Variants in TET3 observed in about 807,000 individuals in gnomAD.
The protein encoded by TET3 is methylcytosine dioxygenase TET3.
In TET3, 19 loss-of-function variants were observed where a neutral mutation model predicts 141.4. That is an observed-to-expected ratio of 0.13 (90% CI 0.09 to 0.20). The LOEUF is 0.20. Ranked by LOEUF, TET3 falls within the 10% of genes least tolerant of loss-of-function variation. The pLI, the probability that TET3 is intolerant of heterozygous loss-of-function variation, is 1.00. For synonymous variants in TET3, 1,043 were observed against 980.9 expected, an observed-to-expected ratio of 1.06 and a Z score of -1.18; for missense variants, 1,874 against 2,356.9, an observed-to-expected ratio of 0.80 and a Z score of 4.24.
At chr2:74,023,068 G>A (rs562308827) in intron 3 of TET3, among the ~76,000 whole-genome samples, 1 of 152,176 alleles carries the variant, frequency 6.6e-6, no homozygotes, top group South Asian at 2.1e-4. Flanking sequence ...GAGCCACTGC[G>A]CACGGCCTTA....
chr2:74,110,130 A>T (rs1691667941), downstream of TET3, among the ~76,000 whole-genome samples: 1 of 152,196 alleles, frequency 6.6e-6, no homozygotes, highest in South Asian at 2.1e-4. Flanking sequence ...ATCACTAAGG[A>T]ATCCAAGACT....
At chr2:74,024,947 G>A (rs550590411) in intron 3 of TET3, among the ~76,000 whole-genome samples, 6 of 152,140 alleles carry the variant, frequency 3.9e-5, no homozygotes, top group South Asian at 2.1e-4. Context: ...GCCAGGCGCC[G>A]TGGTGGTGGC....
the TET3 span, among the ~76,000 whole-genome samples, chr2:74,116,907 G>A: frequency 6.6e-6 from 1 of 152,094 alleles, no homozygotes; most frequent in Admixed American, 6.6e-5. Flanking sequence ...ACTCCAGGGA[G>A]GGAGAAGGGG....
At chr2:74,010,380 G>A (rs544188471) in intron 3 of TET3, among the ~76,000 whole-genome samples, 2 of 152,326 alleles carry the variant, frequency 1.3e-5, no homozygotes, top group South Asian at 4.1e-4. Context: ...GGGTGCCAGA[G>A]CACTTCATCC....
chr2:74,109,999 A>C (rs1448242108), downstream of TET3, among the ~76,000 whole-genome samples: 1 of 152,216 alleles, frequency 6.6e-6, no homozygotes. Context: ...AAGACAGGCT[A>C]ATGATACCAC....
At chr2:74,020,473 C>T (rs1685977088) in intron 3 of TET3, among the ~76,000 whole-genome samples, 1 of 152,248 alleles carries the variant, frequency 6.6e-6, no homozygotes, top group African/African-American at 2.4e-5. Context: ...AGTGCCCAGG[C>T]TTGGTGTTTG....
rs375077406 is a variant in TET3 at position 74,010,757 on chromosome 2, C to T, written c.360+7591C>T. Among the ~76,000 whole-genome samples, 22 of 152,322 alleles carry T rather than the reference C, an allele frequency of 1.4e-4. 1 individual carries two copies. In the South Asian group the frequency reaches 4.1e-3, roughly 29 times the overall value. On this transcript the variant is annotated intron_variant, in intron 3 of 11. Transcript: ENST00000409262. Reference sequence around the variant, plus strand: ...GTTGCCCCAGAAATTTTTTCTCATTCACTGATAATTTTATTGATCAATACA... The same window carrying T: ...GTTGCCCCAGAAATTTTTTCTCATTTACTGATAATTTTATTGATCAATACA...
At chr2:73,993,513 G>A (rs932208502) in intron 2 of TET3, 1 of 152,306 alleles carries the variant, frequency 6.6e-6, no homozygotes, top group Admixed American at 6.5e-5. Context: ...GAGCCAGTGG[G>A]GTGGAGGGCG....
intron 3 of TET3, among the ~76,000 whole-genome samples, chr2:74,020,899 A>G (rs1251004209): frequency 6.6e-6 from 1 of 152,114 alleles, no homozygotes; most frequent in Admixed American, 6.5e-5. Flanking sequence ...CCGCAGCAGT[A>G]AGCTGTTCCT....
intron 4 of TET3, among the ~76,000 whole-genome samples, chr2:74,071,090 C>A (rs1175358417): frequency 6.6e-6 from 1 of 152,086 alleles, no homozygotes; most frequent in African/African-American, 2.4e-5. Flanking sequence ...CTGTCGAGGG[C>A]CCTCTCTTAG....
chr2:74,070,691 C>T (rs890770827), intron 4 of TET3, among the ~76,000 whole-genome samples: 10 of 152,104 alleles, frequency 6.6e-5, no homozygotes, highest in South Asian at 2.1e-4. Context: ...ACAAAAATAC[C>T]GGCCAGTCCC....
chr2:74,007,800 T>G (rs1386300005), intron 3 of TET3, among the ~76,000 whole-genome samples: 1 of 152,178 alleles, frequency 6.6e-6, no homozygotes, highest in African/African-American at 2.4e-5. Flanking sequence ...AAGGACCAGT[T>G]TTTTTGTTTG....
At chr2:74,041,129 G>A (rs2103626033) in intron 3 of TET3, among the ~76,000 whole-genome samples, 1 of 152,256 alleles carries the variant, frequency 6.6e-6, no homozygotes, top group East Asian at 1.9e-4. Context: ...TCCTCTGGTT[G>A]TTAGGGGGAC....
chr2:74,096,312 C>T (rs1690824494), intron 10 of TET3, among the ~76,000 whole-genome samples: 1 of 152,184 alleles, frequency 6.6e-6, no homozygotes, highest in South Asian at 2.1e-4. Flanking sequence ...AAGAAACAAG[C>T]TGGGTAGGGC....
At chr2:74,134,725 C>A in the TET3 span, 14 of 456,614 alleles carry the variant, frequency 3.1e-5, no homozygotes, top group East Asian at 9.7e-4. Context: ...AAAACAGGGA[C>A]AAGGAAGCCT....
rs1054862055 is a variant in TET3, at chr2:74,100,794, G to C, written c.4006G>C (p.Glu1336Gln). The C allele has an allele frequency of 6.8e-6, 11 of 1,612,676 alleles. No individual in the cohort carries two copies. The highest frequency in any genetic ancestry group is 4.0e-5 in the African/African-American group (3 of 74,880). ...NSLSPAYGGA[E>Q]FAELPSQAVP... ...CCTGAGCCCGGCCTACGGTGGTGCT[G>C]AGTTTGCCGAGCTGCCCAGCCAGGC... The change falls in exon 12 of 12, where the codon GAG becomes CAG. Residue 1336 changes from glutamate (E) to glutamine (Q), a missense_variant. By Grantham distance (29) the Glu-to-Gln change is conservative (BLOSUM62 2). This residue lies in a region of TET3 where 602 missense variants were observed against 590.2 expected (regional missense o/e 1.02). Coordinates refer to ENST00000409262, the MANE Select transcript of TET3 (RefSeq NM_001287491.2).
At chr2:74,049,505 C>T (rs961212718) in intron 4 of TET3, among the ~76,000 whole-genome samples, 3 of 152,076 alleles carry the variant, frequency 2.0e-5, no homozygotes, top group Non-Finnish European at 4.4e-5. Flanking sequence ...GTCCACTCGG[C>T]CCCCACACTC....
At chr2:74,058,292 G>A (rs1413653523) in intron 4 of TET3, among the ~76,000 whole-genome samples, 1 of 152,156 alleles carries the variant, frequency 6.6e-6, no homozygotes, top group Non-Finnish European at 1.5e-5. Flanking sequence ...AGGGACAGTA[G>A]GGACCCCACA....
At chr2:74,001,861 C>T (rs765705201) in intron 2 of TET3, among the ~76,000 whole-genome samples, 2 of 152,078 alleles carry the variant, frequency 1.3e-5, no homozygotes, top group African/African-American at 4.8e-5. Context: ...TCTGGGGACC[C>T]TTGGGGTCTT....
Sources: gnomAD v4.1 joint callset for allele counts (sites outside exome capture counted in the v4.1 genomes callset) on GRCh38, gnomAD v4.1.1 for gene constraint, gnomAD v4.1.1 regional missense constraint, MANE v1.5 for transcripts, NCBI Gene and HGNC (gene_info 2026-07-23, HGNC 2026-07-21) for gene names.